MCTP2: variants seen among roughly 807,000 people sequenced by gnomAD.
The protein encoded by MCTP2 is multiple C2 and transmembrane domain-containing protein 2.
Under a neutral mutation model 111.6 loss-of-function variants are expected in MCTP2, and 132 were observed. The ratio of observed to expected loss-of-function variants is 1.18; its 90% CI spans 1.03 to 1.37. MCTP2 has a LOEUF of 1.37. MCTP2 is among the 40% of genes most tolerant of loss of function. The pLI is 0.00. For synonymous variants in MCTP2, 395 were observed against 387.7 expected, an observed-to-expected ratio of 1.02 and a Z score of -0.22; for missense variants, 1,183 against 1,067.9, an observed-to-expected ratio of 1.11 and a Z score of -1.50.
intron 1 of MCTP2, among the ~76,000 whole-genome samples, chr15:94,237,440 ATT>A (rs34291691): frequency 0.17 from 25,458 of 146,100 alleles, 2,221 homozygotes; most frequent in South Asian, 0.23. Flanking sequence ...CTAAACTCGG[ATT>A]TTTTTTTTTT....
At position 94,350,882 on chromosome 15, in the gene MCTP2, A is replaced by AT. The variant is rs531400790; in HGVS notation, c.1006-5244dup. ...TGTTGTTGTGTTGTTTTATCTCTTCATTTTTTTTTTTAAATAGTAGGAAAT... is the reference window on the plus strand; with the variant it reads ...TGTTGTTGTGTTGTTTTATCTCTTCATTTTTTTTTTTTAAATAGTAGGAAAT... On this transcript the variant is annotated intron_variant, in intron 8 of 22. Coordinates refer to ENST00000357742, the MANE Select transcript of MCTP2 (RefSeq NM_001385001.1). 9.6e-4 allele frequency among the ~76,000 whole-genome samples: 142 copies of AT among 148,298 alleles called. 1 individual carries two copies. Among genetic ancestry groups the AT allele is most frequent in the Middle Eastern group, 6.9e-3 (2 of 288 alleles).
chr15:94,440,184 G>A lies in MCTP2; in HGVS notation c.2094G>A (p.Leu698=). 6.2e-7 allele frequency: 1 copy of A among 1,612,610 alleles called. No individual in the cohort carries two copies. The highest frequency in any genetic ancestry group is 8.5e-7 in the Non-Finnish European group (1 of 1,179,266). Residue 698 remains leucine, a synonymous_variant, in exon 18 of 23, where the codon TTG becomes TTA. Coordinates refer to ENST00000357742, the MANE Select transcript of MCTP2 (RefSeq NM_001385001.1). The stretch of plus-strand genomic sequence containing the variant: ...ATTTGTCTTTCAATCAGGTATTTTT[G>A]ATCACTGTCTGGAATTTTGAACTAT... The part of the protein sequence containing the change: ...LRSTIAFAVF[L]ITVWNFELYM...
Position 94,481,953 on chromosome 15 carries a change from T to C in MCTP2, c.*2919T>C, listed in dbSNP as rs1438673437. Reference sequence around the variant, plus strand: ...TAAGAGCTTATTTTGTGTGATATTATTTATAATCCCTGACTATGTCAATTA... The same window carrying C: ...TAAGAGCTTATTTTGTGTGATATTACTTATAATCCCTGACTATGTCAATTA... On this transcript the variant is annotated 3_prime_UTR_variant, in exon 23 of 23. Transcript: ENST00000357742. 1 of 152,260 alleles carries C rather than the reference T, an allele frequency of 6.6e-6. No homozygotes were observed. Among genetic ancestry groups the C allele is most frequent in the East Asian group, 1.9e-4 (1 of 5,208 alleles). 9.4% of individuals were successfully genotyped at this position (152,260 alleles called of 1,614,324 possible). A position where few individuals can be genotyped will look rare whatever the true frequency, so the allele number is the denominator to read the frequency against.
chr15:94,417,536 G>C (rs1252253181), intron 17 of MCTP2, among the ~76,000 whole-genome samples: 1 of 152,094 alleles, frequency 6.6e-6, no homozygotes. Flanking sequence ...CATGTTTTAA[G>C]ACCATATTTT....
intron 17 of MCTP2, among the ~76,000 whole-genome samples, chr15:94,432,103 C>A (rs1306903479): frequency 6.6e-6 from 1 of 152,164 alleles, no homozygotes; most frequent in East Asian, 1.9e-4. Context: ...TAGAAGAAAT[C>A]AACTAGCCCT....
At position 94,470,370 on chromosome 15, in the gene MCTP2, G is replaced by C; in HGVS notation, c.2398G>C (p.Ala800Pro). 2 of 1,613,764 alleles carry C rather than the reference G, an allele frequency of 1.2e-6. No individual in the cohort carries two copies. Among genetic ancestry groups the C allele is most frequent in the Non-Finnish European group, 1.7e-6 (2 of 1,179,770 alleles). The change falls in exon 21 of 23, where the codon GCC becomes CCC. Residue 800 changes from alanine (A) to proline (P), a missense_variant. By Grantham distance (27) the Ala-to-Pro change is conservative (BLOSUM62 -1). Transcript: ENST00000357742. ...GACGGTCCCCTTCCTTTCATCTCTG[G>C]CCTGTTTGATTCTGGCAGCAGCCAC... is the stretch of plus-strand genomic sequence containing the variant. ...NWTVPFLSSLACLILAAATII... is the reference protein window; with the variant it reads ...NWTVPFLSSLPCLILAAATII...
At chr15:94,452,949 CTTTGTTTGT>C (rs1203746267) in intron 19 of MCTP2, among the ~76,000 whole-genome samples, 2 of 151,864 alleles carry the variant, frequency 1.3e-5, no homozygotes, top group Non-Finnish European at 2.9e-5. Flanking sequence ...CGTGAAAAAA[CTTTGTTTGT>C]TTTGTTTTGT....
chr15:94,278,809 G>T (rs1374629431), intron 1 of MCTP2, among the ~76,000 whole-genome samples: 1 of 152,078 alleles, frequency 6.6e-6, no homozygotes, highest in African/African-American at 2.4e-5. Context: ...CTATTTATAA[G>T]GGAGAACACG....
At chr15:94,473,117 C>T (rs1378623088) in intron 21 of MCTP2, among the ~76,000 whole-genome samples, 1 of 151,202 alleles carries the variant, frequency 6.6e-6, no homozygotes, top group East Asian at 1.9e-4. Flanking sequence ...TATTTTATAT[C>T]CTCAAGTCAT....
At chr15:94,299,639 A>G (rs372356521) in intron 2 of MCTP2, among the ~76,000 whole-genome samples, 63 of 152,344 alleles carry the variant, frequency 4.1e-4, no homozygotes, top group East Asian at 2.5e-3. Context: ...TGATGTAATT[A>G]GTTGTCTTTA....
chr15:94,382,863 C>G (rs567794272), intron 12 of MCTP2, among the ~76,000 whole-genome samples: 1 of 152,250 alleles, frequency 6.6e-6, no homozygotes, highest in Non-Finnish European at 1.5e-5. Context: ...CATTACGGAG[C>G]CATTCGTTCT....
chr15:94,362,224 C>A (rs773627244), intron 10 of MCTP2, among the ~76,000 whole-genome samples: 1 of 152,106 alleles, frequency 6.6e-6, no homozygotes, highest in African/African-American at 2.4e-5. Flanking sequence ...CTAAGTTTAA[C>A]CGGCTCCAAC....
chr15:94,402,955 CTCTTAGCCAACAG>C (rs2152477277), intron 17 of MCTP2: 1 of 1,028,984 alleles, frequency 9.7e-7, no homozygotes, highest in Non-Finnish European at 1.2e-6. Context: ...TGAATGTTCT[CTCTTAGCCAACAG>C]GCATAGCCTC....
chr15:94,286,841 G>A (rs973175689), intron 1 of MCTP2, among the ~76,000 whole-genome samples: 4 of 152,156 alleles, frequency 2.6e-5, no homozygotes, highest in Admixed American at 1.3e-4. Context: ...TTGCTCTGCC[G>A]TTAGTGGTTT....
chr15:94,468,196 G>A (rs867669926), intron 20 of MCTP2, among the ~76,000 whole-genome samples: 5 of 150,876 alleles, frequency 3.3e-5, no homozygotes, highest in Middle Eastern at 3.5e-3. Flanking sequence ...AACAGCTCAG[G>A]AGAAAACTAG....
chr15:94,420,466 T>C (rs1426299651), intron 17 of MCTP2, among the ~76,000 whole-genome samples: 1 of 152,184 alleles, frequency 6.6e-6, no homozygotes, highest in Admixed American at 6.6e-5. Context: ...TTGAAAGGAT[T>C]CACCATTCTA....
rs1389630880 is a variant in MCTP2 at position 94,481,680 on chromosome 15, T to C, written c.*2646T>C. The C allele has an allele frequency of 6.6e-6, 1 of 152,342 alleles. No individual in the cohort carries two copies. The highest frequency in any genetic ancestry group is 1.5e-5 in the Non-Finnish European group (1 of 68,120). 9.4% of individuals were successfully genotyped at this position (152,342 alleles called of 1,614,324 possible). A position where few individuals can be genotyped will look rare whatever the true frequency, so the allele number is the denominator to read the frequency against. ...CTGGATGTGACTCCAACTTCCTTTT[T>C]TGTACCATCACATCTTTCATATCTT... On this transcript the variant is annotated 3_prime_UTR_variant, in exon 23 of 23. Coordinates refer to ENST00000357742, the MANE Select transcript of MCTP2 (RefSeq NM_001385001.1).
chr15:94,401,865 A>G, intron 16 of MCTP2, 35 bp from the exon 17 acceptor site: 1 of 1,565,346 alleles, frequency 6.4e-7, no homozygotes, highest in Non-Finnish European at 8.7e-7. Context: ...GTAGTATTTA[A>G]ATCTAGTTTC....
At chr15:94,270,033 C>T (rs1399243833) in intron 1 of MCTP2, among the ~76,000 whole-genome samples, 1 of 152,088 alleles carries the variant, frequency 6.6e-6, no homozygotes, top group East Asian at 1.9e-4. Context: ...GGTATTCAGG[C>T]ACCATGCTTG....
Sources: allele counts gnomAD v4.1 joint callset (sites outside exome capture counted in the v4.1 genomes callset), GRCh38; gene constraint gnomAD v4.1.1; transcripts MANE v1.5; gene names NCBI Gene and HGNC (gene_info 2026-07-23, HGNC 2026-07-21).